The following EZR variants were observed in gnomAD, a reference collection of about 807,000 sequenced individuals.
EZR encodes the protein ezrin.
In EZR, 40 loss-of-function variants were observed where a neutral mutation model predicts 74.8. That is an observed-to-expected ratio of 0.53 (90% CI 0.42 to 0.70). EZR has a LOEUF of 0.70. EZR is among the 30% of genes least tolerant of loss of function. The probability of loss-of-function intolerance (pLI) is 0.00; values close to 1 mark genes in which losing one functional copy is unlikely to be tolerated. For synonymous variants in EZR, 341 were observed against 283.3 expected (o/e 1.20, Z -2.05); for missense variants, 678 against 755.8 (o/e 0.90, Z 1.21).
chr6:158,786,727 G>A (rs761736068), intron 4 of EZR, among the ~76,000 whole-genome samples: 86 of 151,788 alleles, frequency 5.7e-4, no homozygotes, highest in Admixed American at 2.6e-4. Context: ...CTTTTTGGTT[G>A]GTTAATGGAA....
intron 2 of EZR, chr6:158,789,574 G>T (rs750990242): frequency 1.4e-6 from 1 of 719,462 alleles, no homozygotes; most frequent in Non-Finnish European, 2.6e-6. Flanking sequence ...CAAACCAAAC[G>T]CAGCTTCTTT....
At chr6:158,789,491 C>T (rs747889547) in intron 2 of EZR, 120 bp from the exon 3 acceptor site, 4 of 899,136 alleles carry the variant, frequency 4.4e-6, no homozygotes, top group Non-Finnish European at 5.6e-6. Flanking sequence ...GACATCAGTT[C>T]CTGTGCTAGT....
chr6:158,767,413 T>C lies in EZR; in HGVS notation c.1444A>G (p.Ser482Gly). 7 of 1,585,774 alleles carry C rather than the reference T, an allele frequency of 4.4e-6. No homozygotes were observed. The highest frequency in any genetic ancestry group is 5.2e-6 in the Non-Finnish European group (6 of 1,164,712). ...PPPPPVYEPV[S>G]YHVQESLQDE... ...TGCAAGCTCTCCTGGACATGGTAGCTCACCGGCTCGTACACGGGGGGTGGT... is the reference window on the plus strand; with the variant it reads ...TGCAAGCTCTCCTGGACATGGTAGCCCACCGGCTCGTACACGGGGGGTGGT... The change falls in exon 13 of 14, where the codon AGC becomes GGC. Residue 482 changes from serine to glycine, a missense_variant. Physicochemically the swap from Ser to Gly is moderately conservative, Grantham distance 56. Around this residue, in one of 3 missense-constraint regions of EZR, gnomAD observed 342 missense variants for 341.2 expected, o/e 1.00. Coordinates refer to ENST00000367075, the MANE Select transcript of EZR (RefSeq NM_001111077.2).
intron 3 of EZR, among the ~76,000 whole-genome samples, chr6:158,788,040 C>T (rs1791630119): frequency 6.6e-6 from 1 of 152,196 alleles, no homozygotes; most frequent in African/African-American, 2.4e-5. Flanking sequence ...TTTACATATA[C>T]ATAGATGTCT....
intron 2 of EZR, among the ~76,000 whole-genome samples, chr6:158,803,717 C>T (rs1777269174): frequency 6.8e-6 from 1 of 146,078 alleles, no homozygotes; most frequent in African/African-American, 2.5e-5. Flanking sequence ...ATTTCAAGAA[C>T]ATGTAATGAA....
In EZR at chr6:158,766,541, T is replaced by C. The variant is rs941912571; in HGVS notation, c.*373A>G. ...GCTCATTTCGAATACAGAACAAGTA[T>C]GGCACAGATGGAAGTCCTGCCACGT... On this transcript the variant is annotated 3_prime_UTR_variant, in exon 14 of 14. Transcript: ENST00000367075. 5.0e-6 allele frequency: 1 copy of C among 200,230 alleles called. No individual in the cohort carries two copies. Among genetic ancestry groups the C allele is most frequent in the Non-Finnish European group, 1.0e-5 (1 of 99,884 alleles). The allele number at this position is 200,230 out of a possible 1,614,324, so 12.4% of individuals were successfully genotyped here.
chr6:158,792,290 C>A (rs1791768708), intron 2 of EZR, among the ~76,000 whole-genome samples: 1 of 150,046 alleles, frequency 6.7e-6, no homozygotes, highest in Non-Finnish European at 1.5e-5. Context: ...CTCAGCACTG[C>A]AACCTCTGCC....
chr6:158,775,837 C>A (rs914627527), intron 8 of EZR, among the ~76,000 whole-genome samples: 2 of 152,224 alleles, frequency 1.3e-5, no homozygotes, highest in Non-Finnish European at 2.9e-5. Flanking sequence ...CTATTACAAT[C>A]AATACTATCA....
intron 7 of EZR, among the ~76,000 whole-genome samples, chr6:158,781,815 G>A (rs1313605133): frequency 6.6e-6 from 1 of 151,758 alleles, no homozygotes; most frequent in African/African-American, 2.4e-5. Context: ...CCAGGCTAGA[G>A]TGCAGTGGCG....
intron 2 of EZR, among the ~76,000 whole-genome samples, chr6:158,808,011 TG>T (rs1472796208): frequency 6.6e-6 from 1 of 152,232 alleles, no homozygotes; most frequent in Non-Finnish European, 1.5e-5. Flanking sequence ...AGCCTCTTTT[TG>T]TTCACCAATG....
chr6:158,769,505 G>T (rs1791028441), intron 11 of EZR, 87 bp from the exon 12 acceptor site: 2 of 1,371,434 alleles, frequency 1.5e-6, no homozygotes, highest in Non-Finnish European at 2.0e-6. Context: ...GTGTTGGCAA[G>T]CAGTCTCCAA....
rs543059073 is a variant in EZR at position 158,816,365 on chromosome 6, A to G, written c.12+1717T>C. Among the ~76,000 whole-genome samples the G allele has an allele frequency of 9.2e-5, 14 of 152,332 alleles. 2 individuals carry two copies. The South Asian group carries it at 2.9e-3, about 32-fold the overall frequency. ...AAAGAAACCATAAAAATAAATTACC[A>G]TTCATTATGAGAAATGAGAAAGAAA... On this transcript the variant is annotated intron_variant, in intron 2 of 13. Coordinates refer to ENST00000367075, the MANE Select transcript of EZR (RefSeq NM_001111077.2).
At chr6:158,780,653 C>G (rs1172590024) in intron 7 of EZR, among the ~76,000 whole-genome samples, 1 of 152,170 alleles carries the variant, frequency 6.6e-6, no homozygotes, top group East Asian at 1.9e-4. Context: ...AGAAGGACTT[C>G]TATGATGAAA....
intron 2 of EZR, among the ~76,000 whole-genome samples, chr6:158,814,163 A>G (rs988783781): frequency 8.5e-5 from 13 of 152,224 alleles, no homozygotes; most frequent in Middle Eastern, 6.8e-3. Context: ...TGGAACCCCA[A>G]ATCACCCTCC....
intron 11 of EZR, 149 bp downstream of exon 11, chr6:158,769,635 G>GC: frequency 1.6e-6 from 2 of 1,258,664 alleles, no homozygotes; most frequent in Non-Finnish European, 2.3e-6. Context: ...CAACAGCCCA[G>GC]CCCCTTCCCC....
chr6:158,785,160 C>T (rs1257308384), intron 5 of EZR, 149 bp downstream of exon 5: 17 of 979,788 alleles, frequency 1.7e-5, no homozygotes, highest in East Asian at 2.6e-5. Flanking sequence ...TGTTTCAGGT[C>T]GCTGGTCAGT....
At chr6:158,775,203 T>C (rs1293229297) in intron 8 of EZR, among the ~76,000 whole-genome samples, 2 of 152,062 alleles carry the variant, frequency 1.3e-5, no homozygotes, top group African/African-American at 2.4e-5. Flanking sequence ...CAGATAATTT[T>C]TGTATTTTTA....
rs182771091 is a variant in EZR at position 158,802,670 on chromosome 6, T to A, written c.13-13299A>T. ...CCTCAGCCTCCCGAGTAGCCGGGAT[T>A]ATAGGCATGTGCCACCACGCCCAGC... On this transcript the variant is annotated intron_variant, in intron 2 of 13. Transcript: ENST00000367075. Among the ~76,000 whole-genome samples the A allele has an allele frequency of 1.8e-4, 27 of 152,316 alleles. No homozygotes were observed. The East Asian group carries it at 4.2e-3, about 24-fold the overall frequency.
chr6:158,800,577 G>C (rs1195122823), intron 2 of EZR, among the ~76,000 whole-genome samples: 1 of 152,212 alleles, frequency 6.6e-6, no homozygotes, highest in Non-Finnish European at 1.5e-5. Flanking sequence ...GAGGCAGGTG[G>C]ATCACTTGAG....
Sources: gnomAD v4.1 joint callset for allele counts (sites outside exome capture counted in the v4.1 genomes callset) on GRCh38, gnomAD v4.1.1 for gene constraint, gnomAD v4.1.1 regional missense constraint, MANE v1.5 for transcripts, NCBI Gene and HGNC (gene_info 2026-07-23, HGNC 2026-07-21) for gene names.